Variants in KSR2 observed in about 807,000 individuals in gnomAD.
KSR2 encodes kinase suppressor of ras 2.
A neutral mutation model predicts 107.8 loss-of-function variants in KSR2; 25 were observed. That is an observed-to-expected ratio of 0.23 (90% CI 0.17 to 0.32). KSR2 has a LOEUF of 0.32. KSR2 is among the 10% of genes least tolerant of loss of function. The pLI, the probability that KSR2 is intolerant of heterozygous loss-of-function variation, is 1.00. For synonymous variants in KSR2, 480 were observed against 507.0 expected, an observed-to-expected ratio of 0.95 and a Z score of 0.71; for missense variants, 887 against 1,268.9, an observed-to-expected ratio of 0.70 and a Z score of 4.57.
At chr12:117,815,087 G>C (rs542162636) in intron 3 of KSR2, among the ~76,000 whole-genome samples, 1 of 152,344 alleles carries the variant, frequency 6.6e-6, no homozygotes, top group South Asian at 2.1e-4. Flanking sequence ...GGTCAGGAAA[G>C]AGCACTCTTA....
At chr12:117,503,004 T>C (rs996305651) in intron 14 of KSR2, among the ~76,000 whole-genome samples, 4 of 152,108 alleles carry the variant, frequency 2.6e-5, no homozygotes, top group South Asian at 2.1e-4. Context: ...ATCATTTCAT[T>C]ACCCCAAGAG....
At chr12:117,635,144 A>G (rs1883005862) in intron 5 of KSR2, among the ~76,000 whole-genome samples, 1 of 152,218 alleles carries the variant, frequency 6.6e-6, no homozygotes, top group Non-Finnish European at 1.5e-5. Context: ...GGCAGAAGGA[A>G]GCAAGTCTCC....
At chr12:117,611,640 G>A (rs1356695094) in intron 5 of KSR2, among the ~76,000 whole-genome samples, 2 of 152,138 alleles carry the variant, frequency 1.3e-5, no homozygotes, top group South Asian at 2.1e-4. Flanking sequence ...AACAGGTCCC[G>A]AGTAGAAATG....
intron 5 of KSR2, among the ~76,000 whole-genome samples, chr12:117,617,233 G>A (rs1475693166): frequency 1.3e-5 from 2 of 152,048 alleles, no homozygotes; most frequent in Non-Finnish European, 2.9e-5. Context: ...ATTCTTTTCA[G>A]TATTTTCCAT....
chr12:117,643,736 C>T (rs191494164), intron 5 of KSR2, among the ~76,000 whole-genome samples: 45 of 152,180 alleles, frequency 3.0e-4, no homozygotes, highest in African/African-American at 9.2e-4. Context: ...CGATTCTGGG[C>T]CCAGCCTCAG....
chr12:117,674,965 C>G (rs1260008796), intron 4 of KSR2, among the ~76,000 whole-genome samples: 1 of 152,166 alleles, frequency 6.6e-6, no homozygotes, highest in East Asian at 1.9e-4. Flanking sequence ...ACCTCAGGGC[C>G]TTTGCACATG....
chr12:117,831,671 T>C lies in KSR2; in HGVS notation c.472+23757A>G, dbSNP rs527925842. ...ACCCACAGCAACTCCATGCAAGACATTGGACTTTGTATATTTGATTTCACT... is the reference window on the plus strand; with the variant it reads ...ACCCACAGCAACTCCATGCAAGACACTGGACTTTGTATATTTGATTTCACT... On this transcript the variant is annotated intron_variant, in intron 3 of 19. Coordinates refer to ENST00000339824, the MANE Select transcript of KSR2 (RefSeq NM_173598.6). 2.6e-5 allele frequency among the ~76,000 whole-genome samples: 4 copies of C among 152,334 alleles called. No homozygotes were observed. The East Asian group carries it at 5.8e-4, about 22-fold the overall frequency.
chr12:117,885,743 G>T (rs115287036), intron 1 of KSR2, among the ~76,000 whole-genome samples: 1 of 151,778 alleles, frequency 6.6e-6, no homozygotes, highest in Non-Finnish European at 1.5e-5. Context: ...CCTGCGGGGC[G>T]TAAAACCTAG....
intron 4 of KSR2, among the ~76,000 whole-genome samples, chr12:117,706,326 G>A (rs750059874): frequency 6.6e-6 from 1 of 152,132 alleles, no homozygotes; most frequent in Admixed American, 6.5e-5. Context: ...TGAGTGTTTG[G>A]AATGCATCCC....
intron 14 of KSR2, among the ~76,000 whole-genome samples, chr12:117,513,721 G>A (rs980871476): frequency 6.6e-6 from 1 of 152,224 alleles, no homozygotes; most frequent in African/African-American, 2.4e-5. Context: ...CTCAGGCACG[G>A]CTAGAAAGGG....
chr12:117,685,285 G>A (rs12582044), intron 4 of KSR2, among the ~76,000 whole-genome samples: 7,917 of 152,174 alleles, frequency 0.052, 291 homozygotes, highest in East Asian at 0.12. Context: ...CCCATAAATC[G>A]GTTACAGACC....
At chr12:117,526,305 C>A (rs1266552694) in intron 13 of KSR2, among the ~76,000 whole-genome samples, 1 of 152,020 alleles carries the variant, frequency 6.6e-6, no homozygotes, top group African/African-American at 2.4e-5. Context: ...GGGCGAATTG[C>A]CTCTTGGATT....
In KSR2 at chr12:117,907,316, T is replaced by C. The variant is rs4766886; in HGVS notation, c.181-46885A>G. 0.5 allele frequency among the ~76,000 whole-genome samples: 76,342 copies of C among 151,908 alleles called. 21,623 individuals are homozygous for C. Among genetic ancestry groups the C allele is most frequent in the East Asian group, 0.89 (4,583 of 5,164 alleles). ...TCCTGACATGCTGACGCCACAGAGATGAAACAGGTGCACTCTCTTTGAGCC... is the reference window on the plus strand; with the variant it reads ...TCCTGACATGCTGACGCCACAGAGACGAAACAGGTGCACTCTCTTTGAGCC... On this transcript the variant is annotated intron_variant, in intron 1 of 19. Coordinates refer to ENST00000339824, the MANE Select transcript of KSR2 (RefSeq NM_173598.6). The surrounding 1 kb of genome is among the most constrained non-coding windows in gnomAD (Gnocchi z 4.3).
intron 3 of KSR2, among the ~76,000 whole-genome samples, chr12:117,793,847 CAT>C (rs1228555801): frequency 2.8e-5 from 4 of 145,298 alleles, no homozygotes. Flanking sequence ...TGCACACACT[CAT>C]ACCATGCGCA....
At chr12:117,687,123 A>C (rs539500644) in intron 4 of KSR2, among the ~76,000 whole-genome samples, 8 of 152,260 alleles carry the variant, frequency 5.3e-5, no homozygotes, top group African/African-American at 1.9e-4. Context: ...CCTCTTTTCC[A>C]AGCTTCCAGC....
At chr12:117,754,021 TA>T (rs1888703218) in intron 4 of KSR2, among the ~76,000 whole-genome samples, 1 of 146,154 alleles carries the variant, frequency 6.8e-6, no homozygotes, top group African/African-American at 2.5e-5. Context: ...GCCAGAGGAA[TA>T]AAACCATATA....
At position 117,530,946 on chromosome 12, in the gene KSR2, A is replaced by G; in HGVS notation, c.1797T>C (p.Asn599=). 1 of 1,613,686 alleles carries G rather than the reference A, an allele frequency of 6.2e-7. No homozygotes were observed. The highest frequency in any genetic ancestry group is 8.5e-7 in the Non-Finnish European group (1 of 1,179,728). ...GATGTCTCTGTCTCACTTACATTGG[A>G]TTCGAGGTCACCGGATGCAGGATGA... ...PQVILHPVTS[N]PILEGNPLLQ... is the part of the protein sequence containing the mutation. Residue 599 remains asparagine, a synonymous_variant, in exon 12 of 20, where the codon AAT becomes AAC. Transcript: ENST00000339824.
chr12:117,967,274 C>T (rs935620486), intron 1 of KSR2, among the ~76,000 whole-genome samples: 4 of 152,080 alleles, frequency 2.6e-5, no homozygotes, highest in African/African-American at 7.2e-5. Context: ...CAAGTTCTGC[C>T]GGAGAGAATG....
At chr12:117,750,267 A>AG (rs1319407839) in intron 4 of KSR2, among the ~76,000 whole-genome samples, 3 of 150,442 alleles carry the variant, frequency 2.0e-5, no homozygotes, top group African/African-American at 7.4e-5. Flanking sequence ...AAAAAAAAAA[A>AG]AAGAAGAACT....
Sources: gnomAD v4.1 joint callset for allele counts (sites outside exome capture counted in the v4.1 genomes callset) on GRCh38, gnomAD v4.1.1 for gene constraint, Gnocchi (gnomAD v3.1) non-coding constraint, MANE v1.5 for transcripts, NCBI Gene and HGNC (gene_info 2026-07-23, HGNC 2026-07-21) for gene names.